Variants in MRPS27 observed in about 807,000 individuals in gnomAD.
MRPS27 encodes mitochondrial ribosomal protein S27, also known as small ribosomal subunit protein mS27.
MRPS27 carries 43 observed loss-of-function variants against 48.9 expected under a neutral mutation model. The observed-to-expected ratio is 0.88, with a 90% CI of 0.69 to 1.13. The LOEUF (loss-of-function observed/expected upper bound fraction) is 1.13. Ranked by LOEUF, MRPS27 falls within the 50% of genes most tolerant of loss-of-function variation. The probability of loss-of-function intolerance (pLI) is 0.00; values close to 1 mark genes in which losing one functional copy is unlikely to be tolerated. For missense variants in MRPS27, 467 were observed against 476.3 expected (o/e 0.98, Z 0.18); for synonymous variants, 188 against 171.9 (o/e 1.09, Z -0.73).
At chr5:72,273,766 C>T (rs548785088) in intron 4 of MRPS27, among the ~76,000 whole-genome samples, 2 of 152,254 alleles carry the variant, frequency 1.3e-5, no homozygotes, top group South Asian at 2.1e-4. Flanking sequence ...AGTGAGTAAA[C>T]GTGAAGATCT....
intron 2 of MRPS27, among the ~76,000 whole-genome samples, chr5:72,311,387 G>A (rs773107813): frequency 8.5e-5 from 13 of 152,222 alleles, no homozygotes; most frequent in Admixed American, 1.3e-4. Flanking sequence ...AGGTGAACAT[G>A]AGTAAAAGTA....
chr5:72,287,626 C>T (rs1749707855), intron 4 of MRPS27, among the ~76,000 whole-genome samples: 1 of 152,132 alleles, frequency 6.6e-6, no homozygotes, highest in African/African-American at 2.4e-5. Flanking sequence ...ATGACAGAGA[C>T]TCCATCTCAA....
chr5:72,231,480 T>C (rs998344277), intron 7 of MRPS27, among the ~76,000 whole-genome samples: 3 of 152,210 alleles, frequency 2.0e-5, no homozygotes, highest in Non-Finnish European at 2.9e-5. Context: ...ATCTCTGTGA[T>C]TGTTTTGTTT....
chr5:72,277,617 GA>G (rs919164693), intron 4 of MRPS27, among the ~76,000 whole-genome samples: 87 of 150,362 alleles, frequency 5.8e-4, no homozygotes, highest in Middle Eastern at 3.5e-3. Context: ...AAAAAGAAAA[GA>G]AAAAAAAAGA....
At chr5:72,222,478 TGTAGAGG>T (rs1380375169) in intron 10 of MRPS27, 14 of 152,220 alleles carry the variant, frequency 9.2e-5, no homozygotes, top group African/African-American at 3.1e-4. Flanking sequence ...AAAATACATT[TGTAGAGG>T]AATGAGGGCT....
intron 4 of MRPS27, among the ~76,000 whole-genome samples, chr5:72,279,087 A>G (rs761225136): frequency 6.6e-6 from 1 of 152,234 alleles, no homozygotes; most frequent in African/African-American, 2.4e-5. Context: ...AGGTGACTAT[A>G]TAATTTTAAA....
intron 9 of MRPS27, among the ~76,000 whole-genome samples, 189 bp downstream of exon 9, chr5:72,225,868 T>C (rs1747880137): frequency 6.6e-6 from 1 of 152,076 alleles, no homozygotes; most frequent in Middle Eastern, 3.4e-3. Flanking sequence ...ATGTTAATCA[T>C]ATTTTCTAGT....
intron 2 of MRPS27, among the ~76,000 whole-genome samples, chr5:72,298,980 C>T (rs1460025532): frequency 6.6e-6 from 1 of 151,820 alleles, no homozygotes; most frequent in African/African-American, 2.4e-5. Context: ...AACATGGATG[C>T]AGCTGGAGGC....
At chr5:72,265,040 C>CGG (rs1749075362) in intron 4 of MRPS27, among the ~76,000 whole-genome samples, 1 of 152,248 alleles carries the variant, frequency 6.6e-6, no homozygotes, top group Admixed American at 6.5e-5. Flanking sequence ...TCTAACCTTG[C>CGG]GGCTTAAGGC....
At chr5:72,256,610 AAACTGCAGTGGGTGG>A (rs1206592885) in intron 4 of MRPS27, among the ~76,000 whole-genome samples, 1 of 152,256 alleles carries the variant, frequency 6.6e-6, no homozygotes, top group Non-Finnish European at 1.5e-5. Context: ...AGTCACTTTA[AAACTGCAGTGGGTGG>A]AACTGCAGAA....
At chr5:72,224,896 C>A (rs1416808645) in intron 9 of MRPS27, among the ~76,000 whole-genome samples, 1 of 152,150 alleles carries the variant, frequency 6.6e-6, no homozygotes, top group Non-Finnish European at 1.5e-5. Flanking sequence ...AAACACCTAC[C>A]TGAAACGAAT....
chr5:72,250,689 G>A (rs1307380306), intron 4 of MRPS27, among the ~76,000 whole-genome samples: 1 of 152,134 alleles, frequency 6.6e-6, no homozygotes, highest in Non-Finnish European at 1.5e-5. Flanking sequence ...TCACATAGGA[G>A]CTATTTAGGC....
intron 4 of MRPS27, among the ~76,000 whole-genome samples, chr5:72,239,604 T>C (rs1748297997): frequency 1.3e-5 from 2 of 152,190 alleles, no homozygotes; most frequent in African/African-American, 4.8e-5. Flanking sequence ...CTCAATCTTA[T>C]AAGATCTTCT....
intron 2 of MRPS27, among the ~76,000 whole-genome samples, chr5:72,304,061 C>T (rs1399100899): frequency 1.3e-5 from 2 of 151,848 alleles, no homozygotes; most frequent in African/African-American, 2.4e-5. Context: ...AAGGATAAAA[C>T]TTTATTATTA....
chr5:72,303,132 G>A (rs984073496), intron 2 of MRPS27, among the ~76,000 whole-genome samples: 1 of 152,220 alleles, frequency 6.6e-6, no homozygotes, highest in African/African-American at 2.4e-5. Flanking sequence ...GCCAGAAGCG[G>A]AAGGAGAAAA....
At chr5:72,270,049 C>T (rs1040184459) in intron 4 of MRPS27, among the ~76,000 whole-genome samples, 2 of 151,672 alleles carry the variant, frequency 1.3e-5, no homozygotes, top group African/African-American at 4.8e-5. Context: ...AAAAATTAGC[C>T]AGGCATGGCG....
intron 4 of MRPS27, among the ~76,000 whole-genome samples, chr5:72,263,617 A>T (rs916147263): frequency 6.6e-6 from 1 of 151,720 alleles, no homozygotes; most frequent in Non-Finnish European, 1.5e-5. Flanking sequence ...TTCTCCAAAG[A>T]AGATAAACAA....
At chr5:72,253,816 T>C (rs1218965967) in intron 4 of MRPS27, among the ~76,000 whole-genome samples, 1 of 152,228 alleles carries the variant, frequency 6.6e-6, no homozygotes, top group Non-Finnish European at 1.5e-5. Context: ...TACATCTTTT[T>C]TTCCTGGAAA....
At position 72,279,655 on chromosome 5, in the gene MRPS27, CAACAA is replaced by C. The variant is rs374116282; in HGVS notation, c.281+15871_281+15875del. On this transcript the variant is annotated intron_variant, in intron 4 of 10. Coordinates refer to ENST00000261413, the MANE Select transcript of MRPS27 (RefSeq NM_015084.3). ...AAAAACCATTCTGAATCATGGAAGACAACAAAACAAAACAAAACAAAATAAAACAA... is the reference window on the plus strand; with the variant it reads ...AAAAACCATTCTGAATCATGGAAGACAACAAAACAAAACAAAATAAAACAA... Among the ~76,000 whole-genome samples the C allele has an allele frequency of 1.8e-3, 267 of 151,982 alleles. 2 individuals carry two copies. Among genetic ancestry groups the C allele is most frequent in the African/African-American group, 4.8e-3 (200 of 41,488 alleles).
Sources: allele counts gnomAD v4.1 joint callset (sites outside exome capture counted in the v4.1 genomes callset), GRCh38; gene constraint gnomAD v4.1.1; transcripts MANE v1.5; gene names NCBI Gene and HGNC (gene_info 2026-07-23, HGNC 2026-07-21).